STAG1: variants seen among roughly 807,000 people sequenced by gnomAD.
STAG1 encodes the protein STAG1 cohesin complex component, also known as cohesin subunit SA-1.
In STAG1, 26 loss-of-function variants were observed where a neutral mutation model predicts 170.9. That is an observed-to-expected ratio of 0.15 (90% CI 0.11 to 0.21). STAG1 has a LOEUF of 0.21. Among genes scored for constraint, STAG1 ranks in the 10% least tolerant of loss-of-function variants. The probability of loss-of-function intolerance (pLI) is 1.00; values close to 1 mark genes in which losing one functional copy is unlikely to be tolerated. For missense variants in STAG1, 964 were observed against 1,509.5 expected (o/e 0.64, Z 5.99); for synonymous variants, 514 against 497.7 (o/e 1.03, Z -0.44).
chr3:136,427,752 A>G, intron 16 of STAG1, among the ~76,000 whole-genome samples: 1 of 152,086 alleles, frequency 6.6e-6, no homozygotes, highest in Admixed American at 6.6e-5. Context: ...TTTATTTCAC[A>G]TTAGAAGTAC....
At chr3:136,339,603 A>G (rs1935858047) in intron 32 of STAG1, among the ~76,000 whole-genome samples, 1 of 152,194 alleles carries the variant, frequency 6.6e-6, no homozygotes. Flanking sequence ...CAGAAAAAGC[A>G]GCATGATTAA....
intron 16 of STAG1, among the ~76,000 whole-genome samples, chr3:136,431,512 C>T (rs1432449876): frequency 6.6e-6 from 1 of 152,146 alleles, no homozygotes; most frequent in Non-Finnish European, 1.5e-5. Context: ...CCTTGTGATC[C>T]ACCTGCCTCA....
intron 5 of STAG1, among the ~76,000 whole-genome samples, chr3:136,560,795 A>G (rs1936808268): frequency 1.3e-5 from 2 of 152,230 alleles, no homozygotes; most frequent in South Asian, 2.1e-4. Flanking sequence ...AAGAGCCAAG[A>G]TGAGAAAATA....
intron 20 of STAG1, among the ~76,000 whole-genome samples, chr3:136,418,554 T>C (rs2087849543): frequency 6.6e-6 from 1 of 151,856 alleles, no homozygotes; most frequent in African/African-American, 2.4e-5. Flanking sequence ...AAACCTGACA[T>C]ATTTAATTGA....
At chr3:136,602,359 C>T (rs549589768) in intron 4 of STAG1, among the ~76,000 whole-genome samples, 179 of 130,302 alleles carry the variant, frequency 1.4e-3, no homozygotes, top group African/African-American at 4.9e-3. Flanking sequence ...AGCCTGGCGA[C>T]AGAGAGACAC....
intron 1 of STAG1, among the ~76,000 whole-genome samples, chr3:136,735,523 G>C (rs971670858): frequency 6.6e-6 from 1 of 151,384 alleles, no homozygotes; most frequent in Admixed American, 6.6e-5. Context: ...TGGAACCTCC[G>C]CCTCCTGGGT....
rs1576831194 is a variant in STAG1, at chr3:136,736,686, C to T, written c.-84+15509G>A. On this transcript the variant is annotated intron_variant, in intron 1 of 33. Coordinates refer to ENST00000383202, the MANE Select transcript of STAG1 (RefSeq NM_005862.3). The stretch of plus-strand genomic sequence containing the variant: ...AGCTTCAATCTCTTCTCCCCTTTGT[C>T]GTTTCCTTTCAGCATCTCTTTGGCT... 3 of 1,604,128 alleles carry T rather than the reference C, an allele frequency of 1.9e-6. No homozygotes were observed. The South Asian group carries it at 3.3e-5, about 18-fold the overall frequency.
intron 23 of STAG1, among the ~76,000 whole-genome samples, chr3:136,375,529 C>G (rs2108303975): frequency 6.6e-6 from 1 of 152,166 alleles, no homozygotes; most frequent in South Asian, 2.1e-4. Context: ...ACAGCACAAC[C>G]ATGAAATATA....
At chr3:136,577,666 T>C (rs1014084724) in intron 4 of STAG1, among the ~76,000 whole-genome samples, 3 of 152,178 alleles carry the variant, frequency 2.0e-5, no homozygotes, top group Non-Finnish European at 2.9e-5. Flanking sequence ...CTGATGCCAC[T>C]AGATCCATGA....
intron 7 of STAG1, among the ~76,000 whole-genome samples, chr3:136,507,289 T>C (rs1576544056): frequency 6.6e-6 from 1 of 152,310 alleles, no homozygotes; most frequent in South Asian, 2.1e-4. Flanking sequence ...GCAACTTTGG[T>C]TGTCTTCAAG....
intron 4 of STAG1, among the ~76,000 whole-genome samples, chr3:136,589,750 G>C (rs1938057506): frequency 6.6e-6 from 1 of 150,794 alleles, no homozygotes. Flanking sequence ...AGCCAACATA[G>C]TGAAACGCTG....
chr3:136,708,232 G>A (rs1451414598), intron 1 of STAG1, among the ~76,000 whole-genome samples: 1 of 151,910 alleles, frequency 6.6e-6, no homozygotes, highest in African/African-American at 2.4e-5. Flanking sequence ...TAGCCAAAAG[G>A]TGCATCAACA....
At chr3:136,345,798 A>G (rs546880475) in intron 29 of STAG1, among the ~76,000 whole-genome samples, 76 of 151,948 alleles carry the variant, frequency 5.0e-4, no homozygotes, top group Non-Finnish European at 3.2e-4. Context: ...CAGGTTTCTG[A>G]TATTTTTTTA....
intron 1 of STAG1, among the ~76,000 whole-genome samples, chr3:136,665,491 G>A (rs558628262): frequency 6.6e-6 from 1 of 152,086 alleles, no homozygotes; most frequent in African/African-American, 2.4e-5. Context: ...CTTTAGAAGT[G>A]AAAGAAGGCC....
chr3:136,657,189 C>CTTTTTTT (rs67826395), intron 1 of STAG1, among the ~76,000 whole-genome samples: 84 of 92,256 alleles, frequency 9.1e-4, no homozygotes, highest in Middle Eastern at 8.1e-3. Context: ...TTCTTTCTTT[C>CTTTTTTT]TTTTTTTTTT....
chr3:136,516,593 G>C (rs1327623236), intron 7 of STAG1, among the ~76,000 whole-genome samples: 3 of 151,888 alleles, frequency 2.0e-5, no homozygotes, highest in Admixed American at 6.6e-5. Flanking sequence ...TTATCTACTT[G>C]TTTATTTATG....
chr3:136,342,905 C>G (rs962518949), intron 30 of STAG1, among the ~76,000 whole-genome samples: 1 of 152,188 alleles, frequency 6.6e-6, no homozygotes, highest in Admixed American at 6.5e-5. Context: ...CACCCATCTT[C>G]GGATGCTTGC....
intron 27 of STAG1, among the ~76,000 whole-genome samples, chr3:136,358,575 A>T (rs1936742827): frequency 6.6e-6 from 1 of 152,170 alleles, no homozygotes; most frequent in African/African-American, 2.4e-5. Flanking sequence ...AAAAAATTCT[A>T]TAATAATTAT....
chr3:136,357,329 T>C (rs1936698879), intron 28 of STAG1, among the ~76,000 whole-genome samples: 1 of 152,118 alleles, frequency 6.6e-6, no homozygotes, highest in Non-Finnish European at 1.5e-5. Flanking sequence ...TTCTTTAAAC[T>C]GTTATCAATA....
Sources: allele counts gnomAD v4.1 joint callset (sites outside exome capture counted in the v4.1 genomes callset), GRCh38; gene constraint gnomAD v4.1.1; transcripts MANE v1.5; gene names NCBI Gene and HGNC (gene_info 2026-07-23, HGNC 2026-07-21).